The following PRRC2B variants were observed in gnomAD, a reference collection of about 807,000 sequenced individuals.
The protein encoded by PRRC2B is proline rich coiled-coil 2B.
Under a neutral mutation model 242.3 loss-of-function variants are expected in PRRC2B, and 68 were observed. The ratio of observed to expected loss-of-function variants is 0.28; its 90% CI spans 0.23 to 0.34. PRRC2B has a LOEUF of 0.34. Ranked by LOEUF, PRRC2B falls within the 10% of genes least tolerant of loss-of-function variation. The pLI is 1.00. For synonymous variants in PRRC2B, 1,228 were observed against 1,173.6 expected, an observed-to-expected ratio of 1.05 and a Z score of -0.95; for missense variants, 2,835 against 2,954.8, an observed-to-expected ratio of 0.96 and a Z score of 0.94.
intron 30 of PRRC2B, among the ~76,000 whole-genome samples, chr9:131,493,094 G>A (rs1447707820): frequency 6.6e-6 from 1 of 152,122 alleles, no homozygotes; most frequent in East Asian, 1.9e-4. Context: ...TGCAAGCCGG[G>A]CCCCCATGGT....
chr9:131,455,145 T>G lies in PRRC2B; in HGVS notation c.1190T>G (p.Val397Gly). 6.2e-7 allele frequency: 1 copy of G among 1,613,760 alleles called. No homozygotes were observed. The highest frequency in any genetic ancestry group is 1.1e-5 in the South Asian group (1 of 91,000). The change falls in exon 10 of 32, where the codon GTG becomes GGG. Residue 397 changes from valine (V) to glycine (G), a missense_variant. Around this residue, in one of 7 missense-constraint regions of PRRC2B, gnomAD observed 626 missense variants for 685.5 expected, o/e 0.91. Transcript: ENST00000683519. ...GATGATGAAGAGGAGGAAGAAGTTGTGAAGGACGGCAGGCCAAAGTGGTAA... is the reference window on the plus strand; with the variant it reads ...GATGATGAAGAGGAGGAAGAAGTTGGGAAGGACGGCAGGCCAAAGTGGTAA... ...FSDDEEEEEV[V>G]KDGRPKWNSW...
intron 11 of PRRC2B, among the ~76,000 whole-genome samples, chr9:131,463,434 T>C (rs1165287805): frequency 6.6e-6 from 1 of 152,098 alleles, no homozygotes; most frequent in Non-Finnish European, 1.5e-5. Flanking sequence ...AAGTTCTGTC[T>C]TTTTCTGGTA....
chr9:131,421,596 G>GC (rs1837844833), intron 1 of PRRC2B, among the ~76,000 whole-genome samples: 1 of 152,100 alleles, frequency 6.6e-6, no homozygotes, highest in African/African-American at 2.4e-5. Flanking sequence ...CTCTCTCACT[G>GC]CCCCCAGCCT....
chr9:131,481,035 C>A (rs1943845745), intron 19 of PRRC2B, among the ~76,000 whole-genome samples: 1 of 151,744 alleles, frequency 6.6e-6, no homozygotes, highest in African/African-American at 2.4e-5. Flanking sequence ...GGCCTGGTGG[C>A]TCACGTCTGT....
chr9:131,429,854 T>TG lies in PRRC2B; in HGVS notation c.-51-233dup, dbSNP rs971633995. Among the ~76,000 whole-genome samples, 157 of 151,858 alleles carry TG rather than the reference T, an allele frequency of 1.0e-3. 1 individual carries two copies. The highest frequency in any genetic ancestry group is 1.5e-3 in the Non-Finnish European group (100 of 67,956). On this transcript the variant is annotated intron_variant, in intron 1 of 31. Transcript: ENST00000683519. The stretch of plus-strand genomic sequence containing the variant: ...AGAGGAATTAACAGCAGGTGGGGGT[T>TG]GGGGGGGTACTCCACAGATCGCCTC...
rs761844827 is a variant in PRRC2B at position 131,473,681 on chromosome 9, C to T, written c.2281C>T (p.His761Tyr). Residue 761 changes from histidine to tyrosine, a missense_variant, in exon 15 of 32, where the codon CAC becomes TAC. By Grantham distance (83) the His-to-Tyr change is moderately conservative (BLOSUM62 2). This residue lies in a region of PRRC2B where 1,536 missense variants were observed against 1,483.1 expected (regional missense o/e 1.04). Transcript: ENST00000683519. ...GCAGAGCAAGGGCTACCCGCTCCCG[C>T]ACCCGAAGTCGAGTGACACCTTGGC... ...ALQSKGYPLP[H>Y]PKSSDTLAMD... The T allele has an allele frequency of 1.2e-6, 2 of 1,613,782 alleles. No individual in the cohort carries two copies. The highest frequency in any genetic ancestry group is 1.1e-5 in the South Asian group (1 of 91,058).
rs544421757 is a variant in PRRC2B at position 131,500,127 on chromosome 9, T to C, written c.*4253T>C. 5 of 152,354 alleles carry C rather than the reference T, an allele frequency of 3.3e-5. No individual in the cohort carries two copies. Among genetic ancestry groups the C allele is most frequent in the African/African-American group, 7.2e-5 (3 of 41,570 alleles). 9.4% of individuals were successfully genotyped at this position (152,354 alleles called of 1,614,324 possible). ...TACCTATTGTTTCTCCTTTCAAATA[T>C]GTGATTGTACTAGCTCTTTCCATAT... is the stretch of plus-strand genomic sequence containing the variant. On this transcript the variant is annotated 3_prime_UTR_variant, in exon 32 of 32. Transcript: ENST00000683519.
At chr9:131,424,013 G>A (rs577944196) in intron 1 of PRRC2B, among the ~76,000 whole-genome samples, 17 of 151,728 alleles carry the variant, frequency 1.1e-4, no homozygotes, top group African/African-American at 3.9e-4. Context: ...TCCGTTCACT[G>A]CAACCTCCAC....
chr9:131,420,505 T>TCCTTCCTTC (rs1472671577), intron 1 of PRRC2B, among the ~76,000 whole-genome samples: 1 of 37,036 alleles, frequency 2.7e-5, no homozygotes, highest in African/African-American at 8.5e-5. Context: ...TTTTTTTTTT[T>TCCTTCCTTC]TTTTTGAGAT....
intron 1 of PRRC2B, among the ~76,000 whole-genome samples, chr9:131,411,310 CT>C (rs910298580): frequency 1.7e-4 from 25 of 149,370 alleles, no homozygotes; most frequent in Admixed American, 8.1e-4. Flanking sequence ...GTGCTATTTT[CT>C]TTTTTTTGTT....
At chr9:131,415,894 A>G (rs1419940553) in intron 1 of PRRC2B, among the ~76,000 whole-genome samples, 3 of 152,010 alleles carry the variant, frequency 2.0e-5, no homozygotes, top group South Asian at 2.1e-4. Flanking sequence ...CTACTTGGCT[A>G]CTTCAACTCT....
intron 1 of PRRC2B, among the ~76,000 whole-genome samples, chr9:131,412,262 T>C (rs1385169782): frequency 2.0e-5 from 3 of 152,214 alleles, no homozygotes; most frequent in Admixed American, 2.0e-4. Flanking sequence ...TCTTGGCCCT[T>C]TAAAACTACC....
At chr9:131,465,825 A>G (rs1045497234) in intron 12 of PRRC2B, among the ~76,000 whole-genome samples, 14 of 152,264 alleles carry the variant, frequency 9.2e-5, no homozygotes, top group African/African-American at 2.9e-4. Context: ...GCCGGGTTCA[A>G]GCGATTTTCC....
At chr9:131,387,502 C>T (rs1836841016) in intron 1 of PRRC2B, among the ~76,000 whole-genome samples, 1 of 150,364 alleles carries the variant, frequency 6.7e-6, no homozygotes, top group Non-Finnish European at 1.5e-5. Flanking sequence ...TCAGTATTAA[C>T]CATCACAGCA....
chr9:131,389,583 G>C (rs536707850), upstream of PRRC2B, among the ~76,000 whole-genome samples: 4 of 150,698 alleles, frequency 2.7e-5, no homozygotes, highest in African/African-American at 9.7e-5. Context: ...GGTGACAGTA[G>C]GGGAAGGGAG....
intron 1 of PRRC2B, among the ~76,000 whole-genome samples, chr9:131,426,004 G>C (rs138375668): frequency 6.6e-6 from 1 of 150,916 alleles, no homozygotes; most frequent in Admixed American, 6.6e-5. Context: ...GTGAGACTCC[G>C]TCTCAACAAA....
intron 1 of PRRC2B, among the ~76,000 whole-genome samples, chr9:131,379,926 C>T (rs899142504): frequency 2.7e-5 from 4 of 150,198 alleles, no homozygotes; most frequent in African/African-American, 7.3e-5. Context: ...ACCCAGCCAG[C>T]CTTTTTTTTT....
In PRRC2B at chr9:131,474,979, C is replaced by T. The variant is rs1943647318; in HGVS notation, c.2850C>T (p.Leu950=). 1 of 1,598,800 alleles carries T rather than the reference C, an allele frequency of 6.3e-7. No individual in the cohort carries two copies. Among genetic ancestry groups the T allele is most frequent in the Non-Finnish European group, 8.5e-7 (1 of 1,172,926 alleles). Residue 950 remains leucine, a synonymous_variant, in exon 16 of 32, where the codon CTC becomes CTT. Coordinates refer to ENST00000683519, the MANE Select transcript of PRRC2B (RefSeq NM_013318.4). ...GPIKKPVLKA[L]KVEDKEKELE... ...TCAAGAAACCAGTCCTGAAAGCCCT[C>T]AAGGTGGAAGACAAGGAGAAGGAGC...
chr9:131,472,482 T>TC (rs1428491497), intron 14 of PRRC2B, among the ~76,000 whole-genome samples: 4 of 142,834 alleles, frequency 2.8e-5, no homozygotes, highest in African/African-American at 7.9e-5. Context: ...TTTTTTTTTT[T>TC]TTTTTTTTTT....
Sources: allele counts gnomAD v4.1 joint callset (sites outside exome capture counted in the v4.1 genomes callset), GRCh38; gene constraint gnomAD v4.1.1; regional missense constraint gnomAD v4.1.1; transcripts MANE v1.5; gene names NCBI Gene and HGNC (gene_info 2026-07-23, HGNC 2026-07-21).